The following TOP3B variants were observed in gnomAD, a reference collection of about 807,000 sequenced individuals.
TOP3B encodes DNA topoisomerase 3-beta-1.
TOP3B carries 45 observed loss-of-function variants against 93.9 expected under a neutral mutation model. That is an observed-to-expected ratio of 0.48 (90% CI 0.38 to 0.61). The LOEUF (loss-of-function observed/expected upper bound fraction) is 0.61. TOP3B is among the 20% of genes least tolerant of loss of function. The pLI, the probability that TOP3B is intolerant of heterozygous loss-of-function variation, is 0.00. For missense variants in TOP3B, 750 were observed against 1,156.1 expected (o/e 0.65, Z 5.09); for synonymous variants, 357 against 472.6 (o/e 0.76, Z 3.17).
rs905817214 is a variant in TOP3B, at chr22:21,959,518, C to T, written c.1804+69G>A. 5 of 1,533,454 alleles carry T rather than the reference C, an allele frequency of 3.3e-6. No individual in the cohort carries two copies. In the African/African-American group the frequency reaches 6.9e-5, roughly 21 times the overall value. The allele number at this position is 1,533,454 out of a possible 1,614,324, so 95.0% of individuals were successfully genotyped here. A position where few individuals can be genotyped will look rare whatever the true frequency, so the allele number is the denominator to read the frequency against. On this transcript the variant is annotated intron_variant, in intron 15 of 17. Transcript: ENST00000357179. ...GCTGGTCCCACGTGGGGACCTGGGT[C>T]CCCAGGTACTGGCCTTGCTGACAGA...
At position 21,962,452 on chromosome 22, in the gene TOP3B, G is replaced by A. The variant is rs142849815; in HGVS notation, c.1502C>T (p.Thr501Met). 144 of 1,613,590 alleles carry A rather than the reference G, an allele frequency of 8.9e-5. 1 individual carries two copies. The highest frequency in any genetic ancestry group is 4.0e-4 in the Admixed American group (24 of 60,012). Residue 501 changes from threonine to methionine, a missense_variant, in exon 13 of 18, where the codon ACG becomes ATG. By Grantham distance (81) the Thr-to-Met change is moderately conservative. Around this residue, in one of 4 missense-constraint regions of TOP3B, gnomAD observed 737 missense variants for 933.7 expected, o/e 0.79. Coordinates refer to ENST00000357179, the MANE Select transcript of TOP3B (RefSeq NM_001282112.2). ...ACCGATGCCATGCTTCTCCATGAGC[G>A]TGATGAGCTCGGCCTCCGTCAGGTA... Reference protein sequence around the residue: ...PDYLTEAELITLMEKHGIGTD... With the variant: ...PDYLTEAELIMLMEKHGIGTD...
At chr22:21,975,883 AC>A in intron 1 of TOP3B, 76 bp from the exon 2 acceptor site, 2 of 1,070,506 alleles carry the variant, frequency 1.9e-6, no homozygotes, top group Non-Finnish European at 2.4e-6. Flanking sequence ...AATCACTTTA[AC>A]AAAGAAAAAA....
At chr22:21,967,524 G>A in intron 8 of TOP3B, 79 bp downstream of exon 8, 1 of 1,068,330 alleles carries the variant, frequency 9.4e-7, no homozygotes. Flanking sequence ...AGGATCACAG[G>A]CTGTTCCTCC....
rs561214255 is a variant in TOP3B at position 21,979,750 on chromosome 22, A to G, written c.-99+2980T>C. ...AGGTCAGGAGATCAAGACCATCCTGACTAACGTGGTGAAACCCCGTCTCTA... is the reference window on the plus strand; with the variant it reads ...AGGTCAGGAGATCAAGACCATCCTGGCTAACGTGGTGAAACCCCGTCTCTA... On this transcript the variant is annotated intron_variant, in intron 1 of 17. Coordinates refer to ENST00000357179, the MANE Select transcript of TOP3B (RefSeq NM_001282112.2). Among the ~76,000 whole-genome samples the G allele has an allele frequency of 1.9e-3, 290 of 151,996 alleles. 6 individuals are homozygous for G. The highest frequency in any genetic ancestry group is 2.9e-3 in the South Asian group (14 of 4,810).
rs2071134257 is a variant in TOP3B, at chr22:21,960,624, T to C, written c.1526-175A>G. On this transcript the variant is annotated intron_variant, in intron 13 of 17. Coordinates refer to ENST00000357179, the MANE Select transcript of TOP3B (RefSeq NM_001282112.2). Reference sequence around the variant, plus strand: ...TGCACTGTGCTGGGCACCAACTGCATGCATTTCATGTTCTGCCTTGAGAAC... The same window carrying C: ...TGCACTGTGCTGGGCACCAACTGCACGCATTTCATGTTCTGCCTTGAGAAC... 8 of 809,068 alleles carry C rather than the reference T, an allele frequency of 9.9e-6. No homozygotes were observed. In the South Asian group the frequency reaches 1.4e-4, roughly 14 times the overall value. The allele number at this position is 809,068 out of a possible 1,614,324, so 50.1% of individuals were successfully genotyped here. A position where few individuals can be genotyped will look rare whatever the true frequency, so the allele number is the denominator to read the frequency against.
rs1388412733 is a variant in TOP3B at position 21,972,714 on chromosome 22, T to C, written c.207A>G (p.Lys69=). 6.2e-7 allele frequency: 1 copy of C among 1,613,250 alleles called. No individual in the cohort carries two copies. Among genetic ancestry groups the C allele is most frequent in the East Asian group, 2.2e-5 (1 of 44,882 alleles). The change falls in exon 4 of 18, where the codon AAA becomes AAG. Residue 69 remains lysine (K), a synonymous_variant. Coordinates refer to ENST00000357179, the MANE Select transcript of TOP3B (RefSeq NM_001282112.2). ...GHVMTLDFLG[K]YNKWDKVDPA... The stretch of plus-strand genomic sequence containing the variant: ...GGTCCACTTTGTCCCATTTGTTGTA[T>C]TTTCCTACAAACCAGTCACAGTGAC...
In TOP3B at chr22:21,962,540, G is replaced by A. The variant is rs116628543; in HGVS notation, c.1414C>T (p.Arg472Trp). ...PLEESLPTCQ[R>W]GDAFPVGEVK... is the part of the protein sequence containing the mutation. ...TCGCCCACAGGGAAGGCATCACCCC[G>A]CTGGCAAGTGGGCAGGCTCTCCTCC... Residue 472 changes from arginine (R) to tryptophan (W), a missense_variant, in exon 13 of 18, where the codon CGG becomes TGG. Transcript: ENST00000357179. 105 of 1,613,594 alleles carry A rather than the reference G, an allele frequency of 6.5e-5. No homozygotes were observed. Among genetic ancestry groups the A allele is most frequent in the East Asian group, 3.3e-4 (15 of 44,874 alleles).
chr22:21,963,004 A>G lies in TOP3B; in HGVS notation c.1205-111T>C. On this transcript the variant is annotated intron_variant, in intron 11 of 17. Transcript: ENST00000357179. The surrounding 1 kb of genome is among the most constrained non-coding windows in gnomAD (Gnocchi z 4.8). ...GCTCCTGCTTACAGAGCCGCTGTGC[A>G]GGACACACTGCAAATCCTGGGGAAG... 7.5e-7 allele frequency: 1 copy of G among 1,325,460 alleles called. No individual in the cohort carries two copies. Among genetic ancestry groups the G allele is most frequent in the Non-Finnish European group, 1.1e-6 (1 of 948,456 alleles). 82.1% of individuals were successfully genotyped at this position (1,325,460 alleles called of 1,614,324 possible).
Position 21,970,912 on chromosome 22 carries a change from G to C in TOP3B, c.385-506C>G. 1 of 896,980 alleles carries C rather than the reference G, an allele frequency of 1.1e-6. No individual in the cohort carries two copies. Among genetic ancestry groups the C allele is most frequent in the Non-Finnish European group, 1.4e-6 (1 of 703,766 alleles). 55.6% of individuals were successfully genotyped at this position (896,980 alleles called of 1,614,324 possible). A position where few individuals can be genotyped will look rare whatever the true frequency, so the allele number is the denominator to read the frequency against. Reference sequence around the variant, plus strand: ...ATGGGCAAGAGCAGGAAGGCCACGGGTGGTCCTAGCTTGTGGTGGGGGCAG... The same window carrying C: ...ATGGGCAAGAGCAGGAAGGCCACGGCTGGTCCTAGCTTGTGGTGGGGGCAG... On this transcript the variant is annotated intron_variant, in intron 5 of 17. Transcript: ENST00000357179. This position sits in a 1 kb window ranked among gnomAD's most constrained non-coding sequence, Gnocchi z 4.4.
At chr22:21,959,517 T>TC (rs2071074031) in intron 15 of TOP3B, 70 bp downstream of exon 15, 1 of 1,531,848 alleles carries the variant, frequency 6.5e-7, no homozygotes, top group Admixed American at 2.0e-5. Flanking sequence ...GGGACCTGGG[T>TC]CCCCAGGTAC....
In TOP3B at chr22:21,970,875, A is replaced by AG. The variant is rs927435674; in HGVS notation, c.385-470dup. Reference sequence around the variant, plus strand: ...AAGACAGGGAAGGAAAAAAGAATGAAGGGGAAAGGAAATGGGCAAGAGCAG... The same window carrying AG: ...AAGACAGGGAAGGAAAAAAGAATGAAGGGGGAAAGGAAATGGGCAAGAGCAG... On this transcript the variant is annotated intron_variant, in intron 5 of 17. Transcript: ENST00000357179. The surrounding 1 kb of genome is among the most constrained non-coding windows in gnomAD (Gnocchi z 4.4). 12 of 536,536 alleles carry AG rather than the reference A, an allele frequency of 2.2e-5. No individual in the cohort carries two copies. In the Admixed American group the frequency reaches 5.1e-4, roughly 23 times the overall value. The allele number at this position is 536,536 out of a possible 1,614,324, so 33.2% of individuals were successfully genotyped here. A position where few individuals can be genotyped will look rare whatever the true frequency, so the allele number is the denominator to read the frequency against.
Position 21,962,886 on chromosome 22 carries a change from G to C in TOP3B, c.1212C>G (p.Asp404Glu), listed in dbSNP as rs572311772. ...TGATGTACTCATAGAGCCGCCACGC[G>C]TCACCCCCTGCAACAGGCCAGGGCT... Reference protein sequence around the residue: ...KSATEAELGGDAWRLYEYITR... With the variant: ...KSATEAELGGEAWRLYEYITR... Residue 404 changes from aspartate to glutamate, a missense_variant, in exon 12 of 18, where the codon GAC becomes GAG. Physicochemically the swap from Asp to Glu is conservative, Grantham distance 45. This residue lies in a region of TOP3B where 737 missense variants were observed against 933.7 expected (regional missense o/e 0.79). Coordinates refer to ENST00000357179, the MANE Select transcript of TOP3B (RefSeq NM_001282112.2). 6.2e-7 allele frequency: 1 copy of C among 1,613,014 alleles called. No homozygotes were observed. The highest frequency in any genetic ancestry group is 1.1e-5 in the South Asian group (1 of 91,074).
chr22:21,973,485 T>C (rs1390048678), intron 3 of TOP3B: 1 of 148,270 alleles, frequency 6.7e-6, no homozygotes, highest in Non-Finnish European at 1.5e-5. Flanking sequence ...GGGGTCTCAC[T>C]ATGTTGTCCA....
At chr22:21,960,146 G>A in intron 14 of TOP3B, 175 bp downstream of exon 14, 1 of 952,540 alleles carries the variant, frequency 1.0e-6, no homozygotes, top group Non-Finnish European at 1.6e-6. Flanking sequence ...CTCCTGCTCT[G>A]GGCAGGTCCT....
Position 21,958,567 on chromosome 22 carries a change from A to AT in TOP3B, c.2031dup (p.Ser678IlefsTer53), listed in dbSNP as rs1282137162. 3 of 1,614,104 alleles carry AT rather than the reference A, an allele frequency of 1.9e-6. 1 individual carries two copies. The South Asian group carries it at 3.3e-5, about 18-fold the overall frequency. On this transcript the variant is annotated frameshift_variant, in exon 17 of 18. Coordinates refer to ENST00000357179, the MANE Select transcript of TOP3B (RefSeq NM_001282112.2). LOFTEE classifies it high-confidence loss of function. ...GGGTAGCTCTTGCCCCGAGAGCCTG[A>AT]TGACCACAGGACCAGCTCGAAGTCA... is the stretch of plus-strand genomic sequence containing the variant.
rs1235578045 is a variant in TOP3B, at chr22:21,970,955, C to T, written c.385-549G>A. 1 of 1,208,824 alleles carries T rather than the reference C, an allele frequency of 8.3e-7. No homozygotes were observed. 74.9% of individuals were successfully genotyped at this position (1,208,824 alleles called of 1,614,324 possible). ...GGGGGCAGCTCGGGCTAAAGCACAGCAGGGGTCCTGGAGCCGAGACTCACT... is the reference window on the plus strand; with the variant it reads ...GGGGGCAGCTCGGGCTAAAGCACAGTAGGGGTCCTGGAGCCGAGACTCACT... On this transcript the variant is annotated intron_variant, in intron 5 of 17. Transcript: ENST00000357179. The surrounding 1 kb of genome is among the most constrained non-coding windows in gnomAD (Gnocchi z 4.4).
intron 1 of TOP3B, among the ~76,000 whole-genome samples, chr22:21,980,265 C>G (rs992145369): frequency 3.3e-5 from 5 of 152,166 alleles, no homozygotes; most frequent in African/African-American, 4.8e-5. Flanking sequence ...TTCCCTTTTG[C>G]ACCTTTTACA....
intron 16 of TOP3B, 42 bp downstream of exon 16, chr22:21,959,089 AG>A (rs1463084780): frequency 6.2e-7 from 1 of 1,608,572 alleles, no homozygotes; most frequent in African/African-American, 1.3e-5. Context: ...TGAGGCCTAC[AG>A]GGGTGAGGCA....
rs1314668384 is a variant in TOP3B, at chr22:21,970,256, C to G, written c.535G>C (p.Asp179His). ...CGCAGGTCCAGCTCCTGGCGAGCAT[C>G]CACTGAGAGCGCCTCGTTGTGGTCA... ...EPDHNEALSVDARQELDLRIG... is the reference protein window; with the variant it reads ...EPDHNEALSVHARQELDLRIG... The change falls in exon 6 of 18, where the codon GAT becomes CAT. Residue 179 changes from aspartate (D) to histidine (H), a missense_variant. Asp to His is a moderately conservative substitution (Grantham distance 81). Around this residue, in one of 4 missense-constraint regions of TOP3B, gnomAD observed 737 missense variants for 933.7 expected, o/e 0.79. Coordinates refer to ENST00000357179, the MANE Select transcript of TOP3B (RefSeq NM_001282112.2). This position sits in a 1 kb window ranked among gnomAD's most constrained non-coding sequence, Gnocchi z 4.4. 2 of 1,613,682 alleles carry G rather than the reference C, an allele frequency of 1.2e-6. No individual in the cohort carries two copies. The highest frequency in any genetic ancestry group is 2.7e-5 in the African/African-American group (2 of 74,920).
Sources: gnomAD v4.1 joint callset for allele counts (sites outside exome capture counted in the v4.1 genomes callset) on GRCh38, gnomAD v4.1.1 for gene constraint, gnomAD v4.1.1 regional missense constraint, Gnocchi (gnomAD v3.1) non-coding constraint, MANE v1.5 for transcripts, NCBI Gene and HGNC (gene_info 2026-07-23, HGNC 2026-07-21) for gene names.